Variants in PAX2 observed in about 807,000 individuals in gnomAD.
The protein encoded by PAX2 is paired box protein Pax-2.
PAX2 carries 9 observed loss-of-function variants against 41.7 expected under a neutral mutation model. That is an observed-to-expected ratio of 0.22 (90% CI 0.13 to 0.38). PAX2 has a LOEUF of 0.38. PAX2 is among the 10% of genes least tolerant of loss of function. The pLI is 1.00. For synonymous variants in PAX2, 221 were observed against 212.7 expected, an observed-to-expected ratio of 1.04 and a Z score of -0.34; for missense variants, 418 against 531.6, an observed-to-expected ratio of 0.79 and a Z score of 2.10.
rs544138076 is a variant in PAX2, at chr10:100,781,164, C to T, written c.497-82C>T. Reference sequence around the variant, plus strand: ...TCCTTATGTCCTCTGCTTCTCTCTGCCCCCCAGCCTTGGGGCTTTGGCCTA... The same window carrying T: ...TCCTTATGTCCTCTGCTTCTCTCTGTCCCCCAGCCTTGGGGCTTTGGCCTA... On this transcript the variant is annotated intron_variant, in intron 4 of 9. Transcript: ENST00000355243. 41 of 1,385,390 alleles carry T rather than the reference C, an allele frequency of 3.0e-5. No homozygotes were observed. The Middle Eastern group carries it at 1.1e-3, about 36-fold the overall frequency. 85.8% of individuals were successfully genotyped at this position (1,385,390 alleles called of 1,614,324 possible). A position where few individuals can be genotyped will look rare whatever the true frequency, so the allele number is the denominator to read the frequency against.
chr10:100,782,085 C>T (rs1846655512), intron 5 of PAX2, among the ~76,000 whole-genome samples: 1 of 152,184 alleles, frequency 6.6e-6, no homozygotes, highest in African/African-American at 2.4e-5. Flanking sequence ...TGGTGACCAT[C>T]TGGTTCTCTT....
Position 100,826,034 on chromosome 10 carries a change from G to A in PAX2, c.1022-975G>A, listed in dbSNP as rs1253914883. On this transcript the variant is annotated intron_variant, in intron 8 of 9. Transcript: ENST00000355243. This position sits in a 1 kb window ranked among gnomAD's most constrained non-coding sequence, Gnocchi z 5.5. ...CAGAGAGCTCGTGGTGTCGAGGGGGGAGTCGTTAAACAGAATCTAGTGCTG... is the reference window on the plus strand; with the variant it reads ...CAGAGAGCTCGTGGTGTCGAGGGGGAAGTCGTTAAACAGAATCTAGTGCTG... Among the ~76,000 whole-genome samples the A allele has an allele frequency of 2.0e-5, 3 of 152,002 alleles. No individual in the cohort carries two copies. The highest frequency in any genetic ancestry group is 4.4e-5 in the Non-Finnish European group (3 of 67,968).
chr10:100,799,678 G>A (rs938591391), intron 5 of PAX2, among the ~76,000 whole-genome samples: 34 of 151,978 alleles, frequency 2.2e-4, no homozygotes, highest in East Asian at 5.8e-4. Context: ...TAAGTACCTC[G>A]TAAAGTTTGA....
At chr10:100,807,702 A>G (rs575583187) in intron 6 of PAX2, among the ~76,000 whole-genome samples, 2 of 152,234 alleles carry the variant, frequency 1.3e-5, no homozygotes, top group African/African-American at 4.8e-5. Flanking sequence ...GCTCCCACAC[A>G]GGGGCACACT....
chr10:100,745,498 C>G (rs940731680), upstream of PAX2, among the ~76,000 whole-genome samples: 3 of 152,164 alleles, frequency 2.0e-5, no homozygotes, highest in African/African-American at 7.2e-5. Context: ...GACAAGTCAT[C>G]CATCTCCCGG....
intron 7 of PAX2, among the ~76,000 whole-genome samples, chr10:100,819,158 G>A (rs1423171264): frequency 6.6e-6 from 1 of 151,278 alleles, no homozygotes; most frequent in Non-Finnish European, 1.5e-5. Context: ...TGAGGCAGGA[G>A]AATCACTTGA....
At chr10:100,742,517 G>C (rs1844996731), upstream of PAX2, among the ~76,000 whole-genome samples, 1 of 144,470 alleles carries the variant, frequency 6.9e-6, no homozygotes, top group Non-Finnish European at 1.5e-5. Context: ...GAAGGCAAAG[G>C]AGCCGAGATC....
At chr10:100,757,460 G>A (rs1013850722) in intron 3 of PAX2, among the ~76,000 whole-genome samples, 5 of 152,240 alleles carry the variant, frequency 3.3e-5, no homozygotes, top group Admixed American at 1.3e-4. Flanking sequence ...GATAAGAGGG[G>A]CTTTGCTACA....
intron 3 of PAX2, among the ~76,000 whole-genome samples, chr10:100,767,762 C>T (rs999826675): frequency 3.3e-5 from 5 of 152,108 alleles, no homozygotes; most frequent in South Asian, 2.1e-4. Flanking sequence ...GTGACTCGCA[C>T]GAGTCAGGAG....
At chr10:100,752,639 C>T (rs1428759274) in intron 3 of PAX2, among the ~76,000 whole-genome samples, 1 of 152,152 alleles carries the variant, frequency 6.6e-6, no homozygotes, top group Non-Finnish European at 1.5e-5. Context: ...TGCTTGTTGT[C>T]AGTAACAGAA....
At chr10:100,790,924 A>AAGTTGCAGCCTCAGAGCCG (rs1488728562) in intron 5 of PAX2, among the ~76,000 whole-genome samples, 5 of 152,194 alleles carry the variant, frequency 3.3e-5, no homozygotes, top group African/African-American at 1.2e-4. Flanking sequence ...CCTCAGAGCC[A>AAGTTGCAGCCTCAGAGCCG]AGTTGCAGCC....
intron 7 of PAX2, among the ~76,000 whole-genome samples, chr10:100,813,904 G>C (rs969132627): frequency 6.6e-6 from 1 of 151,966 alleles, no homozygotes; most frequent in African/African-American, 2.4e-5. Flanking sequence ...TGAGCTTACT[G>C]TAAAAAAAAG....
intron 6 of PAX2, 126 bp from the exon 7 acceptor site, chr10:100,808,984 T>A: frequency 1.1e-6 from 1 of 884,580 alleles, no homozygotes; most frequent in Non-Finnish European, 1.9e-6. Flanking sequence ...GCATCTCCCC[T>A]CTGCCCCACC....
In PAX2 at chr10:100,829,103, A is replaced by G. The variant is rs549505137; in HGVS notation, c.*1484A>G. 9.5e-4 allele frequency: 219 copies of G among 231,100 alleles called. 1 individual carries two copies. Among genetic ancestry groups the G allele is most frequent in the African/African-American group, 4.7e-3 (212 of 45,276 alleles). 14.3% of individuals were successfully genotyped at this position (231,100 alleles called of 1,614,324 possible). ...GGCATTTTTTATGTTACAAAAAAAA[A>G]TTACGAAAGAAAAGAAATCTCTATG... On this transcript the variant is annotated 3_prime_UTR_variant, in exon 10 of 10. Coordinates refer to ENST00000355243, the MANE Select transcript of PAX2 (RefSeq NM_000278.5).
chr10:100,823,272 A>G (rs1395987479), intron 7 of PAX2, among the ~76,000 whole-genome samples: 1 of 152,216 alleles, frequency 6.6e-6, no homozygotes, highest in East Asian at 1.9e-4. Flanking sequence ...GGTTTGAGGT[A>G]ACAGAGGGAC....
At chr10:100,765,732 T>C (rs1845996942) in intron 3 of PAX2, among the ~76,000 whole-genome samples, 1 of 152,110 alleles carries the variant, frequency 6.6e-6, no homozygotes, top group Admixed American at 6.5e-5. Context: ...GGGAGAGAAC[T>C]ACCCTCTGCC....
rs921145257 is a variant in PAX2, at chr10:100,748,114, A to C, written c.44-1632A>C. The C allele has an allele frequency of 1.0e-6, 1 of 984,234 alleles. No individual in the cohort carries two copies. Among genetic ancestry groups the C allele is most frequent in the African/African-American group, 1.8e-5 (1 of 56,870 alleles). The allele number at this position is 984,234 out of a possible 1,614,324, so 61.0% of individuals were successfully genotyped here. A position where few individuals can be genotyped will look rare whatever the true frequency, so the allele number is the denominator to read the frequency against. The stretch of plus-strand genomic sequence containing the variant: ...ACTCGCTGCAGTCCCCCAGCCCTGG[A>C]CTCCCGCCGTGTCCCCTTCCCATCC... On this transcript the variant is annotated intron_variant, in intron 1 of 9. Coordinates refer to ENST00000355243, the MANE Select transcript of PAX2 (RefSeq NM_000278.5). This position sits in a 1 kb window ranked among gnomAD's most constrained non-coding sequence, Gnocchi z 5.0.
Position 100,779,563 on chromosome 10 carries a change from C to T in PAX2, c.476C>T (p.Thr159Ile), listed in dbSNP as rs1470751464. The stretch of plus-strand genomic sequence containing the variant: ...CCGGATGGGGCTGGGACAGGAGTGA[C>T]CGCCCCTGGCCACACCATTGGTAAG... ...PTPDGAGTGV[T>I]APGHTIVPST... Residue 159 changes from threonine (T) to isoleucine (I), a missense_variant, in exon 4 of 10, where the codon ACC becomes ATC. Physicochemically the swap from Thr to Ile is moderately conservative, Grantham distance 89 (BLOSUM62 -1). Transcript: ENST00000355243. The T allele has an allele frequency of 6.3e-7, 1 of 1,590,042 alleles. No homozygotes were observed. The highest frequency in any genetic ancestry group is 8.6e-7 in the Non-Finnish European group (1 of 1,168,236).
At chr10:100,765,990 C>T (rs1339101444) in intron 3 of PAX2, among the ~76,000 whole-genome samples, 1 of 152,162 alleles carries the variant, frequency 6.6e-6, no homozygotes, top group Non-Finnish European at 1.5e-5. Context: ...CCGTTACAAG[C>T]ATGTTTCATG....
Sources: allele counts gnomAD v4.1 joint callset (sites outside exome capture counted in the v4.1 genomes callset), GRCh38; gene constraint gnomAD v4.1.1; non-coding constraint Gnocchi (gnomAD v3.1); transcripts MANE v1.5; gene names NCBI Gene and HGNC (gene_info 2026-07-23, HGNC 2026-07-21).